TENM3: variants seen among roughly 807,000 people sequenced by gnomAD.
The protein encoded by TENM3 is teneurin-3.
Under a neutral mutation model 255.1 loss-of-function variants are expected in TENM3, and 63 were observed. The observed-to-expected ratio is 0.25, with a 90% CI of 0.20 to 0.30. TENM3 has a LOEUF of 0.30. Ranked by LOEUF, TENM3 falls within the 10% of genes least tolerant of loss-of-function variation. The probability of loss-of-function intolerance (pLI) is 1.00; values close to 1 mark genes in which losing one functional copy is unlikely to be tolerated. For missense variants in TENM3, 2,929 were observed against 3,461.1 expected, an observed-to-expected ratio of 0.85 and a Z score of 3.86; for synonymous variants, 1,306 against 1,322.3, an observed-to-expected ratio of 0.99 and a Z score of 0.27.
At chr4:182,413,272 A>G (rs1770136298) in intron 3 of TENM3, among the ~76,000 whole-genome samples, 2 of 152,174 alleles carry the variant, frequency 1.3e-5, no homozygotes, top group Admixed American at 1.3e-4. Flanking sequence ...AATATAAAAC[A>G]TTAGGGATTC....
chr4:182,323,812 A>G, intron 1 of TENM3, 134 bp from the exon 2 acceptor site: 2 of 584,622 alleles, frequency 3.4e-6, no homozygotes, highest in South Asian at 4.1e-5. Context: ...AGAAATACTA[A>G]TTTCTTGTTG....
chr4:181,770,861 T>C, the TENM3 span, among the ~76,000 whole-genome samples: 5 of 152,238 alleles, frequency 3.3e-5, no homozygotes, highest in Non-Finnish European at 5.9e-5. Flanking sequence ...AAATATCTAT[T>C]GCAAACTTAC....
intron 3 of TENM3, among the ~76,000 whole-genome samples, chr4:182,592,004 A>C (rs972942530): frequency 6.6e-6 from 1 of 152,162 alleles, no homozygotes; most frequent in Non-Finnish European, 1.5e-5. Flanking sequence ...TCAGAGGGAA[A>C]TAATGACTAC....
At chr4:182,696,053 A>T (rs1316158418) in intron 12 of TENM3, among the ~76,000 whole-genome samples, 1 of 152,226 alleles carries the variant, frequency 6.6e-6, no homozygotes, top group Admixed American at 6.5e-5. Context: ...AAATACTGAC[A>T]TTGCAAATTT....
the TENM3 span, among the ~76,000 whole-genome samples, chr4:182,039,546 G>T: frequency 2.6e-5 from 4 of 152,122 alleles, no homozygotes; most frequent in African/African-American, 9.7e-5. Flanking sequence ...GGTTCCCACT[G>T]TGTGAAAAAA....
chr4:181,501,441 C>G, the TENM3 span, among the ~76,000 whole-genome samples: 6 of 150,692 alleles, frequency 4.0e-5, no homozygotes, highest in East Asian at 1.2e-3. Context: ...TGCAGTGGTG[C>G]GATCTCAGCT....
At chr4:182,030,001 TTTTTTTC>T in the TENM3 span, among the ~76,000 whole-genome samples, 1 of 46,324 alleles carries the variant, frequency 2.2e-5, no homozygotes, top group South Asian at 1.0e-3. Flanking sequence ...ATCTCTCTCC[TTTTTTTC>T]TTTTTTTTTT....
At chr4:182,232,419 G>C (rs944655095) in intron 1 of TENM3, among the ~76,000 whole-genome samples, 5 of 152,176 alleles carry the variant, frequency 3.3e-5, no homozygotes, top group African/African-American at 1.2e-4. Context: ...ACTGGTGATT[G>C]TCCAGACATT....
chr4:181,961,895 T>C, the TENM3 span, among the ~76,000 whole-genome samples: 4 of 152,182 alleles, frequency 2.6e-5, no homozygotes, highest in African/African-American at 4.8e-5. Flanking sequence ...AATGGCAAAC[T>C]ACTAATTTGT....
the TENM3 span, among the ~76,000 whole-genome samples, chr4:181,535,359 C>T: frequency 6.6e-6 from 1 of 152,138 alleles, no homozygotes; most frequent in Non-Finnish European, 1.5e-5. Flanking sequence ...TGCTCCACTC[C>T]CACCACACCT....
At chr4:181,606,861 G>T in the TENM3 span, among the ~76,000 whole-genome samples, 55 of 152,184 alleles carry the variant, frequency 3.6e-4, 1 homozygote, top group East Asian at 0.01. Context: ...TGGCTAGGGA[G>T]TTGCAAGACT....
chr4:182,392,605 A>C (rs533565979), intron 3 of TENM3, among the ~76,000 whole-genome samples: 1 of 152,252 alleles, frequency 6.6e-6, no homozygotes, highest in East Asian at 1.9e-4. Flanking sequence ...GTTATTGCCC[A>C]TGTGGGGAGC....
the TENM3 span, among the ~76,000 whole-genome samples, chr4:181,557,852 G>T: frequency 2.0e-5 from 3 of 152,140 alleles, no homozygotes; most frequent in Non-Finnish European, 4.4e-5. Flanking sequence ...TTCTACATAA[G>T]TTAAAATTTA....
chr4:182,580,506 G>A (rs1745384785), intron 3 of TENM3, among the ~76,000 whole-genome samples: 1 of 151,350 alleles, frequency 6.6e-6, no homozygotes, highest in Admixed American at 6.6e-5. Flanking sequence ...TTTCAATCAG[G>A]ATGAAAACTA....
chr4:182,558,714 G>A (rs540752829), intron 3 of TENM3, among the ~76,000 whole-genome samples: 136 of 152,270 alleles, frequency 8.9e-4, no homozygotes, highest in Non-Finnish European at 1.7e-3. Context: ...TTCTCCTAAT[G>A]TAAACAATAA....
chr4:182,713,996 C>T, intron 12 of TENM3, 91 bp from the exon 13 acceptor site: 2 of 1,013,620 alleles, frequency 2.0e-6, no homozygotes, highest in Non-Finnish European at 1.5e-6. Context: ...TTTATAAAGG[C>T]CTGTTCCCAC....
the TENM3 span, among the ~76,000 whole-genome samples, chr4:181,564,681 G>A: frequency 3.1e-4 from 47 of 152,230 alleles, no homozygotes; most frequent in African/African-American, 1.1e-3. Flanking sequence ...ATTCTCTGCC[G>A]TGAAAGTGTA....
At chr4:181,449,366 T>A in the TENM3 span, among the ~76,000 whole-genome samples, 24 of 152,306 alleles carry the variant, frequency 1.6e-4, no homozygotes, top group Non-Finnish European at 3.2e-4. Context: ...TGGAATAGAT[T>A]TAATTTGGAG....
At chr4:182,480,377 C>T (rs533040844) in intron 3 of TENM3, among the ~76,000 whole-genome samples, 1 of 152,152 alleles carries the variant, frequency 6.6e-6, no homozygotes, top group South Asian at 2.1e-4. Flanking sequence ...GCTGGAGGCT[C>T]TTGGTATCGT....
Sources: gnomAD v4.1 joint callset for allele counts (sites outside exome capture counted in the v4.1 genomes callset) on GRCh38, gnomAD v4.1.1 for gene constraint, MANE v1.5 for transcripts, NCBI Gene and HGNC (gene_info 2026-07-23, HGNC 2026-07-21) for gene names.